Variants in NEBL observed in about 807,000 individuals in gnomAD.
NEBL encodes the protein LIM and SH3 protein 2.
In NEBL, 122 loss-of-function variants were observed where a neutral mutation model predicts 140.2. That is an observed-to-expected ratio of 0.87 (90% confidence interval 0.75 to 1.01). The LOEUF is 1.01. Ranked by LOEUF, NEBL falls within the 50% of genes least tolerant of loss-of-function variation. The pLI is 0.00. For synonymous variants in NEBL, 436 were observed against 398.9 expected, an observed-to-expected ratio of 1.09 and a Z score of -1.11; for missense variants, 1,365 against 1,231.3, an observed-to-expected ratio of 1.11 and a Z score of -1.62.
intron 3 of NEBL, 69 bp downstream of exon 3, chr10:20,889,776 C>T: frequency 1.1e-6 from 1 of 941,364 alleles, no homozygotes; most frequent in Non-Finnish European, 1.8e-6. Flanking sequence ...CTCTTTAATG[C>T]ACAGACTTTC....
intron 4 of NEBL, among the ~76,000 whole-genome samples, chr10:20,918,096 T>A (rs1018290775): frequency 2.0e-5 from 3 of 152,152 alleles, no homozygotes; most frequent in African/African-American, 7.2e-5. Context: ...CAGTGACTCA[T>A]GCCTGTAATC....
intron 26 of NEBL, among the ~76,000 whole-genome samples, chr10:20,791,607 C>G (rs893446931): frequency 1.3e-5 from 2 of 151,948 alleles, no homozygotes; most frequent in Non-Finnish European, 2.9e-5. Flanking sequence ...ATTGCCCAAC[C>G]TAGTCTCAAA....
At chr10:21,182,174 T>A (rs1057477535) in intron 3 of NEBL, among the ~76,000 whole-genome samples, 1 of 152,030 alleles carries the variant, frequency 6.6e-6, no homozygotes, top group Non-Finnish European at 1.5e-5. Context: ...TTTTTCCTTT[T>A]AAAAATTCAT....
At chr10:21,238,539 A>G (rs12242402) in intron 3 of NEBL, among the ~76,000 whole-genome samples, 1,764 of 141,184 alleles carry the variant, frequency 0.012, 30 homozygotes, top group African/African-American at 0.042. Flanking sequence ...ATCTCTACTG[A>G]AAAAAAAAAA....
chr10:21,191,409 C>A (rs1451353735), intron 3 of NEBL, among the ~76,000 whole-genome samples: 2 of 152,150 alleles, frequency 1.3e-5, no homozygotes, highest in African/African-American at 4.8e-5. Flanking sequence ...TTCATCCAGA[C>A]CATCTGGCTT....
At chr10:20,897,872 T>C (rs1057017154), upstream of NEBL, among the ~76,000 whole-genome samples, 2 of 152,234 alleles carry the variant, frequency 1.3e-5, no homozygotes, top group Non-Finnish European at 2.9e-5. Flanking sequence ...GAGTTAATTA[T>C]GACTGTTAGT....
intron 2 of NEBL, among the ~76,000 whole-genome samples, chr10:21,079,846 C>A (rs1337308499): frequency 6.6e-6 from 1 of 152,194 alleles, no homozygotes; most frequent in Non-Finnish European, 1.5e-5. Context: ...TGCCCCACCA[C>A]CCAAGGTAGC....
At chr10:21,145,299 C>T (rs1195687037) in intron 2 of NEBL, among the ~76,000 whole-genome samples, 1 of 152,208 alleles carries the variant, frequency 6.6e-6, no homozygotes, top group Non-Finnish European at 1.5e-5. Context: ...CAGAAATATT[C>T]TCACATATGC....
intron 3 of NEBL, among the ~76,000 whole-genome samples, chr10:21,238,716 T>TAAAA (rs35732687): frequency 3.2e-5 from 3 of 94,492 alleles, no homozygotes; most frequent in African/African-American, 7.5e-5. Context: ...TCAAAAAAAT[T>TAAAA]AAAAAAAAAA....
At chr10:21,073,698 A>G (rs1835926996) in intron 2 of NEBL, among the ~76,000 whole-genome samples, 1 of 152,094 alleles carries the variant, frequency 6.6e-6, no homozygotes, top group South Asian at 2.1e-4. Context: ...CCCAAAGAAA[A>G]ACAAATCTCA....
intron 2 of NEBL, among the ~76,000 whole-genome samples, chr10:21,048,397 C>T (rs1425862481): frequency 3.5e-5 from 5 of 141,038 alleles, no homozygotes; most frequent in Middle Eastern, 3.7e-3. Context: ...GAAAATCTCC[C>T]GGGGCGGTCT....
chr10:20,859,824 A>C lies in NEBL; in HGVS notation c.687T>G (p.Ile229Met), dbSNP rs768661641. 7.1e-7 allele frequency: 1 copy of C among 1,403,970 alleles called. No homozygotes were observed. The highest frequency in any genetic ancestry group is 1.0e-6 in the Non-Finnish European group (1 of 992,338). The allele number at this position is 1,403,970 out of a possible 1,614,324, so 87.0% of individuals were successfully genotyped here. A position where few individuals can be genotyped will look rare whatever the true frequency, so the allele number is the denominator to read the frequency against. ...AVEASKLSSQ[I>M]KYKEKFDNEM... ...CATTATCAAATTTTTCTTTGTATTTAATCTGTCATAAAAGAGAAATAGTAC... is the reference window on the plus strand; with the variant it reads ...CATTATCAAATTTTTCTTTGTATTTCATCTGTCATAAAAGAGAAATAGTAC... Residue 229 changes from isoleucine to methionine, a missense_variant and splice_region_variant, in exon 8 of 28, where the codon ATT becomes ATG. Ile to Met is a conservative substitution (Grantham distance 10). Coordinates refer to ENST00000377122, the MANE Select transcript of NEBL (RefSeq NM_006393.3).
At chr10:21,057,233 C>T (rs1426204827) in intron 2 of NEBL, among the ~76,000 whole-genome samples, 1 of 151,708 alleles carries the variant, frequency 6.6e-6, no homozygotes, top group Non-Finnish European at 1.5e-5. Context: ...GAGATGACAC[C>T]TGGTTGGGAG....
chr10:21,195,817 T>C (rs1374243354), intron 3 of NEBL, among the ~76,000 whole-genome samples: 1 of 152,150 alleles, frequency 6.6e-6, no homozygotes, highest in Non-Finnish European at 1.5e-5. Context: ...TATACTACAA[T>C]CCAACAGAAA....
rs556404824 is a variant in NEBL, at chr10:21,148,455, TC to T, written c.164+23927del. On this transcript the variant is annotated intron_variant, in intron 2 of 6. Coordinates refer to the NEBL transcript ENST00000417816. ...GTAGAATGTTGGGATTCTTTAGGCC[TC>T]AGAAAACAGAACCTCTCAGGCAGAG... Among the ~76,000 whole-genome samples the T allele has an allele frequency of 1.1e-4, 17 of 152,310 alleles. 1 individual carries two copies. The South Asian group carries it at 3.5e-3, about 32-fold the overall frequency.
chr10:20,824,485 T>A (rs1301044186), intron 18 of NEBL, among the ~76,000 whole-genome samples: 1 of 152,186 alleles, frequency 6.6e-6, no homozygotes, highest in African/African-American at 2.4e-5. Context: ...TCAAAAATAG[T>A]TCTTAAGACA....
chr10:21,242,223 AGAAAAG>A (rs1458359577), intron 3 of NEBL, among the ~76,000 whole-genome samples: 1 of 151,994 alleles, frequency 6.6e-6, no homozygotes, highest in Non-Finnish European at 1.5e-5. Flanking sequence ...AAAAAAGAAA[AGAAAAG>A]AAAAGAAATG....
intron 3 of NEBL, among the ~76,000 whole-genome samples, chr10:21,007,727 G>A (rs529492347): frequency 1.6e-3 from 246 of 152,264 alleles, no homozygotes; most frequent in African/African-American, 5.7e-3. Context: ...AAACTACACA[G>A]AGAAAGACCC....
chr10:20,796,567 C>T (rs1217146645), intron 26 of NEBL, among the ~76,000 whole-genome samples: 2 of 152,088 alleles, frequency 1.3e-5, no homozygotes, highest in East Asian at 1.9e-4. Context: ...AAAAATTAGT[C>T]TGCAAATGTT....
Sources: gnomAD v4.1 joint callset for allele counts (sites outside exome capture counted in the v4.1 genomes callset) on GRCh38, gnomAD v4.1.1 for gene constraint, MANE v1.5 for transcripts, NCBI Gene and HGNC (gene_info 2026-07-23, HGNC 2026-07-21) for gene names.